MC2R: variants seen among roughly 807,000 people sequenced by gnomAD.
MC2R encodes melanocortin 2 receptor, also known as adrenocorticotropic hormone receptor.
Under a neutral mutation model 9.8 loss-of-function variants are expected in MC2R, and 9 were observed. The observed-to-expected ratio is 0.92, with a 90% CI of 0.55 to 1.60. The LOEUF is 1.60. Among genes scored for constraint, MC2R ranks in the 40% most tolerant of loss-of-function variants. The pLI is 0.00. For missense variants in MC2R, 370 were observed against 389.0 expected (o/e 0.95, Z 0.41); for synonymous variants, 185 against 154.7 (o/e 1.20, Z -1.45).
At chr18:13,903,870 A>G (rs1443835457) in intron 1 of MC2R, among the ~76,000 whole-genome samples, 1 of 152,186 alleles carries the variant, frequency 6.6e-6, no homozygotes, top group Non-Finnish European at 1.5e-5. Flanking sequence ...ACAACAAAAA[A>G]CAGGAGGATG....
At chr18:13,889,880 C>T (rs2045305154) in intron 1 of MC2R, among the ~76,000 whole-genome samples, 1 of 152,112 alleles carries the variant, frequency 6.6e-6, no homozygotes, top group South Asian at 2.1e-4. Context: ...TGATCTGACT[C>T]ACCCCTGAGG....
At chr18:13,893,859 A>G (rs1283061687) in intron 1 of MC2R, among the ~76,000 whole-genome samples, 1 of 152,194 alleles carries the variant, frequency 6.6e-6, no homozygotes, top group African/African-American at 2.4e-5. Context: ...ATTTAACTGT[A>G]TTGCACAGGA....
intron 1 of MC2R, among the ~76,000 whole-genome samples, chr18:13,901,017 C>G (rs1014471368): frequency 3.9e-4 from 59 of 152,110 alleles, no homozygotes; most frequent in African/African-American, 1.4e-3. Flanking sequence ...AGTCTTAAAA[C>G]ATTCAAAAAA....
chr18:13,884,342 A>G lies in MC2R; in HGVS notation c.*283T>C. The G allele has an allele frequency of 2.1e-6, 1 of 475,982 alleles. No individual in the cohort carries two copies. Among genetic ancestry groups the G allele is most frequent in the Non-Finnish European group, 3.8e-6 (1 of 260,190 alleles). The allele number at this position is 475,982 out of a possible 1,614,324, so 29.5% of individuals were successfully genotyped here. On this transcript the variant is annotated 3_prime_UTR_variant, in exon 2 of 2. Coordinates refer to ENST00000327606, the MANE Select transcript of MC2R (RefSeq NM_000529.2). ...TTGCAATTTTTGGTCATTGAAAGTA[A>G]TGGCAAAAACCTTAATTACTTTTGT...
At chr18:13,886,478 C>A (rs2045276903) in intron 1 of MC2R, among the ~76,000 whole-genome samples, 2 of 152,194 alleles carry the variant, frequency 1.3e-5, no homozygotes, top group Non-Finnish European at 2.9e-5. Context: ...GAGCCCACAG[C>A]TGCCTTCTCT....
chr18:13,886,924 G>A (rs1210738886), intron 1 of MC2R, among the ~76,000 whole-genome samples: 1 of 152,234 alleles, frequency 6.6e-6, no homozygotes, highest in Admixed American at 6.5e-5. Flanking sequence ...GTGTTCAGAA[G>A]GAGGTTTGTG....
intron 1 of MC2R, among the ~76,000 whole-genome samples, chr18:13,899,057 A>T (rs1026403020): frequency 6.6e-6 from 1 of 152,212 alleles, no homozygotes; most frequent in Non-Finnish European, 1.5e-5. Context: ...GAGATATATG[A>T]CCTTTCAGAC....
In MC2R at chr18:13,885,040, C is replaced by A; in HGVS notation, c.479G>T (p.Gly160Val). Reference protein sequence around the residue: ...VLTVIWTFCTGTGITMVIFSH... With the variant: ...VLTVIWTFCTVTGITMVIFSH... ...GAAGATCACCATGGTGATGCCAGTC[C>A]CCGTGCAGAACGTCCAGATGACCGT... Residue 160 changes from glycine to valine, a missense_variant, in exon 2 of 2, where the codon GGG becomes GTG. Coordinates refer to ENST00000327606, the MANE Select transcript of MC2R (RefSeq NM_000529.2). 6.2e-7 allele frequency: 1 copy of A among 1,614,122 alleles called. No individual in the cohort carries two copies. Among genetic ancestry groups the A allele is most frequent in the Non-Finnish European group, 8.5e-7 (1 of 1,180,022 alleles).
Position 13,884,635 on chromosome 18 carries a change from C to T in MC2R, c.884G>A (p.Arg295Lys), listed in dbSNP as rs760185092. The T allele has an allele frequency of 1.2e-6, 2 of 1,612,662 alleles. No homozygotes were observed. The highest frequency in any genetic ancestry group is 2.7e-5 in the African/African-American group (2 of 74,904). Residue 295 changes from arginine to lysine, a missense_variant, in exon 2 of 2, where the codon AGG (arginine) becomes AAG (lysine). Arg to Lys is a conservative substitution (Grantham distance 26). Coordinates refer to ENST00000327606, the MANE Select transcript of MC2R (RefSeq NM_000529.2). ...DAFKKMIFCS[R>K]YW ...CAGGGATCAGCCATTCTACCAGTAC[C>T]TGCTGCAGAAGATCATCTTTTTGAA... is the stretch of plus-strand genomic sequence containing the variant.
intron 1 of MC2R, among the ~76,000 whole-genome samples, chr18:13,912,129 G>T (rs1282919726): frequency 6.6e-6 from 1 of 152,162 alleles, no homozygotes; most frequent in Non-Finnish European, 1.5e-5. Context: ...CAGATTCCAG[G>T]ATACCTCAGC....
intron 1 of MC2R, among the ~76,000 whole-genome samples, chr18:13,896,149 T>C (rs1317132715): frequency 6.6e-6 from 1 of 152,226 alleles, no homozygotes; most frequent in Non-Finnish European, 1.5e-5. Flanking sequence ...GATGTTGTTC[T>C]AATAAATAAG....
At chr18:13,886,607 G>A (rs148614574) in intron 1 of MC2R, among the ~76,000 whole-genome samples, 2 of 152,348 alleles carry the variant, frequency 1.3e-5, no homozygotes, top group East Asian at 1.9e-4. Flanking sequence ...CGGTAAAGGT[G>A]CTGATGTATC....
At chr18:13,889,622 G>A (rs1415303136) in intron 1 of MC2R, among the ~76,000 whole-genome samples, 3 of 152,130 alleles carry the variant, frequency 2.0e-5, no homozygotes, top group Non-Finnish European at 4.4e-5. Flanking sequence ...TCTGTTAGAT[G>A]CTCTTTGGAA....
chr18:13,909,875 C>G (rs2045435133), intron 1 of MC2R, among the ~76,000 whole-genome samples: 2 of 152,182 alleles, frequency 1.3e-5, no homozygotes, highest in South Asian at 4.1e-4. Context: ...TATTAGAAAC[C>G]AAGATCAGAG....
intron 1 of MC2R, among the ~76,000 whole-genome samples, chr18:13,908,894 C>T (rs2045429076): frequency 6.6e-6 from 1 of 152,112 alleles, no homozygotes; most frequent in African/African-American, 2.4e-5. Context: ...GTAGAGTCCC[C>T]ACAAACCTCA....
Position 13,885,187 on chromosome 18 carries a change from A to G in MC2R, c.332T>C (p.Val111Ala). The G allele has an allele frequency of 6.2e-7, 1 of 1,614,186 alleles. No homozygotes were observed. The highest frequency in any genetic ancestry group is 1.7e-5 in the Admixed American group (1 of 60,026). Reference sequence around the variant, plus strand: ...GAAGATGGAGCCAAGCAGGGAGAGGACAAACAGGGAGTCGATGATGTCATC... The same window carrying G: ...GAAGATGGAGCCAAGCAGGGAGAGGGCAAACAGGGAGTCGATGATGTCATC... The part of the protein sequence containing the change: ...TADDIIDSLF[V>A]LSLLGSIFSL... The change falls in exon 2 of 2, where the codon GTC becomes GCC. Residue 111 changes from valine to alanine, a missense_variant. By Grantham distance (64) the Val-to-Ala change is moderately conservative. Transcript: ENST00000327606.
chr18:13,884,906 T>C lies in MC2R; in HGVS notation c.613A>G (p.Arg205Gly). The change falls in exon 2 of 2, where the codon AGG (arginine) becomes GGG (glycine). Residue 205 changes from arginine to glycine, a missense_variant. Transcript: ENST00000327606. ...HMFLLARSHT[R>G]KISTLPRANM... ...GCTCTGGGGAGGGTGGAGATCTTCC[T>C]GGTGTGGGATCGAGCCAGCAGGAAC... 6.2e-7 allele frequency: 1 copy of C among 1,614,030 alleles called. No individual in the cohort carries two copies. Among genetic ancestry groups the C allele is most frequent in the Non-Finnish European group, 8.5e-7 (1 of 1,179,998 alleles).
At chr18:13,904,406 A>G (rs1262091153) in intron 1 of MC2R, among the ~76,000 whole-genome samples, 1 of 151,260 alleles carries the variant, frequency 6.6e-6, no homozygotes, top group Non-Finnish European at 1.5e-5. Flanking sequence ...AAAAGTCATA[A>G]TAAAGGCCAT....
intron 1 of MC2R, among the ~76,000 whole-genome samples, chr18:13,886,671 G>A (rs1327537914): frequency 1.3e-5 from 2 of 152,216 alleles, no homozygotes; most frequent in Admixed American, 1.3e-4. Flanking sequence ...CAAAGGTGGA[G>A]CTCCTGGGAC....
Sources: allele counts gnomAD v4.1 joint callset (sites outside exome capture counted in the v4.1 genomes callset), GRCh38; gene constraint gnomAD v4.1.1; transcripts MANE v1.5; gene names NCBI Gene and HGNC (gene_info 2026-07-23, HGNC 2026-07-21).